DNAH7: variants seen among roughly 807,000 people sequenced by gnomAD.
DNAH7 encodes dynein axonemal heavy chain 7, also known as axonemal beta dynein heavy chain 7.
In DNAH7, 397 loss-of-function variants were observed where a neutral mutation model predicts 444.6. The observed-to-expected ratio is 0.89, with a 90% CI of 0.82 to 0.97. DNAH7 has a LOEUF of 0.97. Ranked by LOEUF, DNAH7 falls within the 50% of genes least tolerant of loss-of-function variation. The pLI is 0.00. For missense variants in DNAH7, 4,902 were observed against 4,800.8 expected, an observed-to-expected ratio of 1.02 and a Z score of -0.62; for synonymous variants, 1,636 against 1,624.4, an observed-to-expected ratio of 1.01 and a Z score of -0.17.
rs1421017334 is a variant in DNAH7 at position 195,738,922 on chromosome 2, T to TC, written c.11869-796dup. On this transcript the variant is annotated intron_variant, in intron 64 of 64. Transcript: ENST00000312428. ...GAAGGAGCTTATAAGGATGCCAGTTTCTCTATTTCTCCCACTTAACTGTGG... is the reference window on the plus strand; with the variant it reads ...GAAGGAGCTTATAAGGATGCCAGTTTCCTCTATTTCTCCCACTTAACTGTGG... Among the ~76,000 whole-genome samples, 15 of 152,306 alleles carry TC rather than the reference T, an allele frequency of 9.8e-5. No individual in the cohort carries two copies. The East Asian group carries it at 2.3e-3, about 23-fold the overall frequency.
At position 196,028,016 on chromosome 2, in the gene DNAH7, G is replaced by T. The variant is rs375319092; in HGVS notation, c.430C>A (p.Pro144Thr). 13 of 1,609,626 alleles carry T rather than the reference G, an allele frequency of 8.1e-6. No individual in the cohort carries two copies. In the African/African-American group the frequency reaches 1.7e-4, roughly 22 times the overall value. The part of the protein sequence containing the change: ...QQDADLDSAV[P>T]DGSTIPKPTA... The stretch of plus-strand genomic sequence containing the variant: ...GGTTTTGGAATTGTGCTTCCATCAG[G>T]GACAGCTGAGTCTAAGTCAGCATCT... Residue 144 changes from proline to threonine, a missense_variant, in exon 6 of 65, where the codon CCT becomes ACT. Coordinates refer to ENST00000312428, the MANE Select transcript of DNAH7 (RefSeq NM_018897.3).
intron 61 of DNAH7, among the ~76,000 whole-genome samples, chr2:195,765,057 G>A (rs904760022): frequency 9.2e-5 from 14 of 152,010 alleles, no homozygotes; most frequent in Admixed American, 6.6e-4. Context: ...CAATAGAACA[G>A]GAGAGAGAAC....
At chr2:195,777,688 A>G (rs1192595224) in intron 59 of DNAH7, 112 bp downstream of exon 59, 34 of 1,087,252 alleles carry the variant, frequency 3.1e-5, no homozygotes, top group Non-Finnish European at 4.2e-5. Flanking sequence ...AAGCACAGAC[A>G]AGGGTAACAA....
chr2:195,878,138 C>T (rs891613415), intron 36 of DNAH7, among the ~76,000 whole-genome samples: 3 of 152,158 alleles, frequency 2.0e-5, no homozygotes, highest in African/African-American at 4.8e-5. Flanking sequence ...CAAATTTATA[C>T]AAGTTTTTAA....
At chr2:196,064,272 T>C (rs1170610938) in intron 1 of DNAH7, among the ~76,000 whole-genome samples, 1 of 151,430 alleles carries the variant, frequency 6.6e-6, no homozygotes, top group Non-Finnish European at 1.5e-5. Flanking sequence ...GCCAAGATCG[T>C]GCCACTGCAC....
In DNAH7 at chr2:196,048,342, A is replaced by G; in HGVS notation, c.204T>C (p.Asp68=). The change falls in exon 4 of 65, where the codon GAT becomes GAC. Residue 68 remains aspartate, a synonymous_variant. Transcript: ENST00000312428. ...APSFHLSVKQ[D]DESPEPFSVK... is the part of the protein sequence containing the mutation. ...CACTAAATGGTTCTGGACTCTCATCATCCTGCTTTACACTCAAATGGAATG... is the reference window on the plus strand; with the variant it reads ...CACTAAATGGTTCTGGACTCTCATCGTCCTGCTTTACACTCAAATGGAATG... 1 of 1,614,050 alleles carries G rather than the reference A, an allele frequency of 6.2e-7. No homozygotes were observed. Among genetic ancestry groups the G allele is most frequent in the Non-Finnish European group, 8.5e-7 (1 of 1,179,950 alleles).
At chr2:195,778,703 T>C (rs552148387) in intron 58 of DNAH7, among the ~76,000 whole-genome samples, 18 of 76,432 alleles carry the variant, frequency 2.4e-4, no homozygotes, top group African/African-American at 7.2e-4. Flanking sequence ...CATATATATA[T>C]ACACATATAT....
Position 195,936,762 on chromosome 2 carries a change from C to A in DNAH7, c.3109G>T (p.Asp1037Tyr). 1.9e-6 allele frequency: 3 copies of A among 1,581,526 alleles called. No individual in the cohort carries two copies. The highest frequency in any genetic ancestry group is 1.4e-5 in the African/African-American group (1 of 73,544). The change falls in exon 20 of 65, where the codon GAC (aspartate) becomes TAC (tyrosine). Residue 1037 changes from aspartate (D) to tyrosine (Y), a missense_variant. Coordinates refer to ENST00000312428, the MANE Select transcript of DNAH7 (RefSeq NM_018897.3). ...DKHVLTVVTI[D>Y]RMLERLKKSN... The stretch of plus-strand genomic sequence containing the variant: ...TTTTTCAGCCTTTCCAGCATTCTGT[C>A]AATGGTTACAACTGTCAGAACATGT...
At chr2:195,808,260 T>C (rs1334125754) in intron 53 of DNAH7, among the ~76,000 whole-genome samples, 1 of 152,236 alleles carries the variant, frequency 6.6e-6, no homozygotes, top group Non-Finnish European at 1.5e-5. Context: ...CTCGTGAAAG[T>C]TGTTTTAGAA....
At chr2:195,788,126 A>G (rs898407738) in intron 57 of DNAH7, among the ~76,000 whole-genome samples, 12 of 152,212 alleles carry the variant, frequency 7.9e-5, no homozygotes, top group Non-Finnish European at 2.9e-5. Context: ...GAGATTTCAC[A>G]AAGAGCTCAA....
intron 19 of DNAH7, among the ~76,000 whole-genome samples, chr2:195,940,112 A>G (rs1487942669): frequency 6.6e-6 from 1 of 152,190 alleles, no homozygotes; most frequent in Non-Finnish European, 1.5e-5. Context: ...ATGCTACCTG[A>G]CTTCAAACTA....
chr2:195,999,058 A>T (rs1176116693), intron 12 of DNAH7: 2 of 711,678 alleles, frequency 2.8e-6, no homozygotes, highest in East Asian at 5.4e-5. Context: ...GCTGCCAGGA[A>T]ACAAAGCCTC....
chr2:195,829,335 TTTTG>T (rs907193911), intron 48 of DNAH7, among the ~76,000 whole-genome samples: 3 of 142,464 alleles, frequency 2.1e-5, no homozygotes, highest in African/African-American at 7.6e-5. Flanking sequence ...TCCTTTCTTT[TTTTG>T]TTTTTGTTCA....
At chr2:195,739,976 TG>T (rs1692897368) in intron 64 of DNAH7, among the ~76,000 whole-genome samples, 1 of 152,156 alleles carries the variant, frequency 6.6e-6, no homozygotes, top group Admixed American at 6.5e-5. Context: ...AACACAGTGC[TG>T]TTTTTTTGTT....
At chr2:195,774,971 TAAC>T (rs1256602828) in intron 60 of DNAH7, among the ~76,000 whole-genome samples, 7 of 152,208 alleles carry the variant, frequency 4.6e-5, no homozygotes, top group Non-Finnish European at 1.0e-4. Context: ...CAAATCAAAT[TAAC>T]AACTGAGCAT....
chr2:196,032,601 T>C lies in DNAH7; in HGVS notation c.399-4554A>G, dbSNP rs533803022. Among the ~76,000 whole-genome samples, 3 of 152,356 alleles carry C rather than the reference T, an allele frequency of 2.0e-5. No homozygotes were observed. In the South Asian group the frequency reaches 6.2e-4, roughly 32 times the overall value. On this transcript the variant is annotated intron_variant, in intron 5 of 64. Transcript: ENST00000312428. ...CAACAACAGAAAATCTGAATAGATC[T>C]GTATCAAGTACACTAATTGAATTAG...
intron 29 of DNAH7, among the ~76,000 whole-genome samples, chr2:195,896,351 C>T (rs1480146337): frequency 6.6e-6 from 1 of 151,286 alleles, no homozygotes; most frequent in African/African-American, 2.4e-5. Flanking sequence ...ATGTGTCTTT[C>T]AAAGAGTAGT....
intron 12 of DNAH7, among the ~76,000 whole-genome samples, chr2:195,997,278 C>T (rs1412734804): frequency 6.6e-6 from 1 of 151,948 alleles, no homozygotes; most frequent in East Asian, 1.9e-4. Context: ...TTTGGGAGGC[C>T]GAGGCAGGCA....
intron 1 of DNAH7, among the ~76,000 whole-genome samples, chr2:196,064,979 AT>A (rs1698344621): frequency 6.6e-6 from 1 of 152,188 alleles, no homozygotes. Flanking sequence ...TAACATAAAT[AT>A]ATATGTGCAT....
Sources: gnomAD v4.1 joint callset for allele counts (sites outside exome capture counted in the v4.1 genomes callset) on GRCh38, gnomAD v4.1.1 for gene constraint, MANE v1.5 for transcripts, NCBI Gene and HGNC (gene_info 2026-07-23, HGNC 2026-07-21) for gene names.